The following TEX10 variants were observed in gnomAD, a reference collection of about 807,000 sequenced individuals.
TEX10 encodes the protein testis expressed 10, also known as testis-expressed protein 10.
TEX10 carries 24 observed loss-of-function variants against 104.4 expected under a neutral mutation model. The ratio of observed to expected loss-of-function variants is 0.23; its 90% CI spans 0.17 to 0.32. The LOEUF (loss-of-function observed/expected upper bound fraction) is 0.32. TEX10 is among the 10% of genes least tolerant of loss of function. The pLI, the probability that TEX10 is intolerant of heterozygous loss-of-function variation, is 1.00. For synonymous variants in TEX10, 396 were observed against 393.4 expected, an observed-to-expected ratio of 1.01 and a Z score of -0.08; for missense variants, 921 against 1,083.9, an observed-to-expected ratio of 0.85 and a Z score of 2.11.
At chr9:100,315,756 T>A (rs1251155044) in intron 11 of TEX10, among the ~76,000 whole-genome samples, 1 of 152,290 alleles carries the variant, frequency 6.6e-6, no homozygotes, top group Middle Eastern at 3.4e-3. Context: ...AGGTTTCTGC[T>A]AAAAAGTCTG....
Position 100,326,455 on chromosome 9 carries a change from A to G in TEX10, c.1826T>C (p.Val609Ala), listed in dbSNP as rs78379785. The change falls in exon 9 of 15, where the codon GTT (valine) becomes GCT (alanine). Residue 609 changes from valine (V) to alanine (A), a missense_variant. By Grantham distance (64) the Val-to-Ala change is moderately conservative. Coordinates refer to ENST00000374902, the MANE Select transcript of TEX10 (RefSeq NM_017746.4). ...IYDPQEGAVV[V>A]LPADSQQRLV... ...ACGCTGCTGAGAGTCTGCAGGGAGA[A>G]CCACCACAGCACCTTCTTGTGGATC... 1 of 1,613,958 alleles carries G rather than the reference A, an allele frequency of 6.2e-7. No individual in the cohort carries two copies. Among genetic ancestry groups the G allele is most frequent in the Non-Finnish European group, 8.5e-7 (1 of 1,179,926 alleles).
chr9:100,337,363 A>G (rs1835036581), intron 5 of TEX10, among the ~76,000 whole-genome samples: 1 of 152,234 alleles, frequency 6.6e-6, no homozygotes, highest in African/African-American at 2.4e-5. Flanking sequence ...CTAAACATCT[A>G]AACCACAATT....
chr9:100,330,276 G>T, intron 5 of TEX10, 107 bp from the exon 6 acceptor site: 1 of 859,554 alleles, frequency 1.2e-6, no homozygotes, highest in South Asian at 1.7e-5. Flanking sequence ...TTCCCTTCTA[G>T]AATTAATAGA....
intron 11 of TEX10, among the ~76,000 whole-genome samples, chr9:100,317,854 T>C (rs1160250937): frequency 6.6e-6 from 1 of 152,074 alleles, no homozygotes; most frequent in Non-Finnish European, 1.5e-5. Context: ...GATGACAAAT[T>C]GGCCAAAAAG....
In TEX10 at chr9:100,321,674, T is replaced by C; in HGVS notation, c.2068+9A>G. The C allele has an allele frequency of 1.2e-6, 2 of 1,604,878 alleles. No individual in the cohort carries two copies. The highest frequency in any genetic ancestry group is 1.7e-6 in the Non-Finnish European group (2 of 1,175,270). The stretch of plus-strand genomic sequence containing the variant: ...TTTCTTTTTTAATCTGGCAAGTGAA[T>C]GTGGTTACCTGTAAGTGTGGAAAAT... On this transcript the variant is annotated intron_variant, in intron 10 of 14. Coordinates refer to ENST00000374902, the MANE Select transcript of TEX10 (RefSeq NM_017746.4).
intron 1 of TEX10, 38 bp downstream of exon 1, chr9:100,352,734 C>T: frequency 8.4e-7 from 1 of 1,192,552 alleles, no homozygotes; most frequent in Non-Finnish European, 1.0e-6. Context: ...AGTCCCGCGC[C>T]CCGGGAGGAC....
chr9:100,320,213 T>G, intron 11 of TEX10, 52 bp downstream of exon 11: 1 of 1,521,078 alleles, frequency 6.6e-7, no homozygotes, highest in Non-Finnish European at 8.9e-7. Context: ...CTATTACTGG[T>G]TGATGAACTG....
At chr9:100,329,405 C>G (rs1834795810) in intron 6 of TEX10, 130 bp from the exon 7 acceptor site, 1 of 1,027,050 alleles carries the variant, frequency 9.7e-7, no homozygotes, top group Non-Finnish European at 1.4e-6. Flanking sequence ...AAATAGACAA[C>G]TACCATTGAA....
Position 100,352,754 on chromosome 9 carries a change from C to A in TEX10, c.-10+18G>T. On this transcript the variant is annotated intron_variant, in intron 1 of 14. Transcript: ENST00000374902. The stretch of plus-strand genomic sequence containing the variant: ...CGCGCCCCGGGAGGACCCGGCCCGA[C>A]GGGCGACGGCCGCTTACCTGAGGAC... 8.7e-7 allele frequency: 1 copy of A among 1,150,800 alleles called. No homozygotes were observed. The highest frequency in any genetic ancestry group is 1.1e-6 in the Non-Finnish European group (1 of 937,490). The allele number at this position is 1,150,800 out of a possible 1,614,324, so 71.3% of individuals were successfully genotyped here.
intron 11 of TEX10, among the ~76,000 whole-genome samples, chr9:100,318,001 TACAC>T (rs1302336050): frequency 6.6e-6 from 1 of 152,112 alleles, no homozygotes; most frequent in Non-Finnish European, 1.5e-5. Flanking sequence ...ATGCAGAACT[TACAC>T]ACTGTTGGTG....
intron 13 of TEX10, chr9:100,304,185 A>C: frequency 3.2e-6 from 1 of 312,440 alleles, no homozygotes; most frequent in Non-Finnish European, 6.2e-6. Flanking sequence ...AAAGCAACCT[A>C]CAGATTCAAC....
At chr9:100,313,164 CAAAATTACTTAGGATGACAT>C (rs1353078423) in intron 11 of TEX10, among the ~76,000 whole-genome samples, 1 of 152,124 alleles carries the variant, frequency 6.6e-6, no homozygotes, top group East Asian at 1.9e-4. Context: ...AAAATGAAAT[CAAAATTACTTAGGATGACAT>C]AATTTTGCAT....
intron 4 of TEX10, among the ~76,000 whole-genome samples, chr9:100,343,598 T>A (rs373462063): frequency 2.3e-4 from 32 of 138,432 alleles, no homozygotes; most frequent in Middle Eastern, 3.6e-3. Context: ...CTAAAAAGTT[T>A]AAAAAAAAAA....
At chr9:100,348,069 G>C (rs1018282985) in intron 2 of TEX10, among the ~76,000 whole-genome samples, 4 of 152,112 alleles carry the variant, frequency 2.6e-5, no homozygotes, top group Admixed American at 2.6e-4. Context: ...AATACAATTC[G>C]ACAATACAAA....
chr9:100,308,722 G>T lies in TEX10; in HGVS notation c.2284-41C>A. On this transcript the variant is annotated intron_variant, in intron 12 of 14. Coordinates refer to ENST00000374902, the MANE Select transcript of TEX10 (RefSeq NM_017746.4). ...CGAGATTAATCACCTCTTCATAACAGACCCGCTCCTCCACATAAAACCAAA... is the reference window on the plus strand; with the variant it reads ...CGAGATTAATCACCTCTTCATAACATACCCGCTCCTCCACATAAAACCAAA... The T allele has an allele frequency of 2.0e-6, 3 of 1,465,978 alleles. No individual in the cohort carries two copies. In the South Asian group the frequency reaches 4.6e-5, roughly 22 times the overall value. 90.8% of individuals were successfully genotyped at this position (1,465,978 alleles called of 1,614,324 possible).
intron 4 of TEX10, among the ~76,000 whole-genome samples, chr9:100,344,538 T>C (rs1207537916): frequency 1.3e-5 from 2 of 152,182 alleles, no homozygotes; most frequent in Non-Finnish European, 2.9e-5. Flanking sequence ...TTTTTACTTC[T>C]TGGCTCTCTA....
Position 100,324,199 on chromosome 9 carries a change from AT to A in TEX10, c.1979+2102del, listed in dbSNP as rs1307015335. Reference sequence around the variant, plus strand: ...ATGCATGAGCCGCCATGCCCAGCTAATTTTTGTATTTTTAATAGAGATGGGG... The same window carrying A: ...ATGCATGAGCCGCCATGCCCAGCTAATTTTGTATTTTTAATAGAGATGGGG... On this transcript the variant is annotated intron_variant, in intron 9 of 14. Coordinates refer to ENST00000374902, the MANE Select transcript of TEX10 (RefSeq NM_017746.4). Among the ~76,000 whole-genome samples the A allele has an allele frequency of 2.6e-5, 4 of 152,064 alleles. No individual in the cohort carries two copies. The South Asian group carries it at 6.2e-4, about 24-fold the overall frequency.
At chr9:100,306,895 T>C (rs1834157007) in intron 13 of TEX10, 1 of 152,174 alleles carries the variant, frequency 6.6e-6, no homozygotes, top group East Asian at 1.9e-4. Context: ...AAACTTTGCA[T>C]GAAGTTGTTT....
rs1191125967 is a variant in TEX10, at chr9:100,352,774, G to C, written c.-12C>G. On this transcript the variant is annotated splice_region_variant and 5_prime_UTR_variant, in exon 1 of 15. Coordinates refer to ENST00000374902, the MANE Select transcript of TEX10 (RefSeq NM_017746.4). ...CCCGACGGGCGACGGCCGCTTACCT[G>C]AGGACCCGGCCGCGGCCGGGGCGAG... The C allele has an allele frequency of 9.0e-7, 1 of 1,109,264 alleles. No homozygotes were observed. Among genetic ancestry groups the C allele is most frequent in the Admixed American group, 5.3e-5 (1 of 18,996 alleles). The allele number at this position is 1,109,264 out of a possible 1,614,324, so 68.7% of individuals were successfully genotyped here. A position where few individuals can be genotyped will look rare whatever the true frequency, so the allele number is the denominator to read the frequency against.
Sources: allele counts gnomAD v4.1 joint callset (sites outside exome capture counted in the v4.1 genomes callset), GRCh38; gene constraint gnomAD v4.1.1; transcripts MANE v1.5; gene names NCBI Gene and HGNC (gene_info 2026-07-23, HGNC 2026-07-21).